Variants in SLCO1B1 observed in about 807,000 individuals in gnomAD.
The protein encoded by SLCO1B1 is solute carrier organic anion transporter family member 1B1.
Under a neutral mutation model 70.1 loss-of-function variants are expected in SLCO1B1, and 81 were observed. That is an observed-to-expected ratio of 1.16 (90% CI 0.97 to 1.39). SLCO1B1 has a LOEUF of 1.39. Ranked by LOEUF, SLCO1B1 falls within the 40% of genes most tolerant of loss-of-function variation. SLCO1B1 has a pLI of 0.00. For synonymous variants in SLCO1B1, 283 were observed against 271.5 expected (o/e 1.04, Z -0.42); for missense variants, 895 against 799.6 (o/e 1.12, Z -1.44).
chr12:21,230,656 T>C (rs913094775), intron 14 of SLCO1B1, among the ~76,000 whole-genome samples: 5 of 152,032 alleles, frequency 3.3e-5, no homozygotes, highest in African/African-American at 9.7e-5. Flanking sequence ...TCTTGTAATG[T>C]CTTTGTCTGA....
chr12:21,217,357 AATG>A, intron 12 of SLCO1B1, 54 bp downstream of exon 12: 1 of 1,297,626 alleles, frequency 7.7e-7, no homozygotes, highest in Non-Finnish European at 1.1e-6. Context: ...AAACACACCT[AATG>A]ATATGCATAT....
chr12:21,191,003 A>G (rs927168558), intron 7 of SLCO1B1, among the ~76,000 whole-genome samples: 3 of 151,696 alleles, frequency 2.0e-5, no homozygotes, highest in African/African-American at 7.3e-5. Flanking sequence ...ATTGGTCTAT[A>G]TTTCTGTCTT....
chr12:21,215,539 G>A (rs1941347866), intron 11 of SLCO1B1, among the ~76,000 whole-genome samples: 1 of 152,146 alleles, frequency 6.6e-6, no homozygotes, highest in Non-Finnish European at 1.5e-5. Flanking sequence ...ACTTGGTCAT[G>A]ATGAATTCAC....
chr12:21,190,225 C>CAA, intron 7 of SLCO1B1, among the ~76,000 whole-genome samples: 1 of 152,326 alleles, frequency 6.6e-6, no homozygotes, highest in East Asian at 1.9e-4. Context: ...CTTTGACCAT[C>CAA]CGTACACGTG....
At position 21,239,293 on chromosome 12, in the gene SLCO1B1, T is replaced by C; in HGVS notation, c.*104T>C. On this transcript the variant is annotated 3_prime_UTR_variant, in exon 15 of 15. Coordinates refer to ENST00000256958, the MANE Select transcript of SLCO1B1 (RefSeq NM_006446.5). ...GTTCCTGGTCCTTTCACTAAGAATT[T>C]CCACATCTTTTATGGTGGAAGTATA... is the stretch of plus-strand genomic sequence containing the variant. 2 of 837,500 alleles carry C rather than the reference T, an allele frequency of 2.4e-6. No homozygotes were observed. Among genetic ancestry groups the C allele is most frequent in the East Asian group, 2.5e-5 (1 of 40,668 alleles). The allele number at this position is 837,500 out of a possible 1,614,324, so 51.9% of individuals were successfully genotyped here.
chr12:21,221,095 A>T (rs1941418545), intron 12 of SLCO1B1, among the ~76,000 whole-genome samples: 1 of 152,128 alleles, frequency 6.6e-6, no homozygotes, highest in African/African-American at 2.4e-5. Context: ...CAGAAAAATT[A>T]TTTGATAAAA....
intron 2 of SLCO1B1, among the ~76,000 whole-genome samples, chr12:21,147,103 T>C (rs112475176): frequency 3.3e-5 from 5 of 152,254 alleles, no homozygotes; most frequent in African/African-American, 1.2e-4. Context: ...GCTCTGTTGT[T>C]TGGTGCCTCT....
At chr12:21,168,388 C>T (rs1466205806) in intron 2 of SLCO1B1, among the ~76,000 whole-genome samples, 3 of 152,110 alleles carry the variant, frequency 2.0e-5, no homozygotes, top group African/African-American at 7.2e-5. Flanking sequence ...CTGCTAGATC[C>T]TGTTTTGAAT....
intron 14 of SLCO1B1, among the ~76,000 whole-genome samples, chr12:21,227,438 CCAAA>C (rs1238293010): frequency 6.6e-6 from 1 of 152,032 alleles, no homozygotes; most frequent in Non-Finnish European, 1.5e-5. Context: ...ATCAAATTTA[CCAAA>C]CAGACTCTCT....
chr12:21,153,143 CTT>C, intron 2 of SLCO1B1, among the ~76,000 whole-genome samples: 1 of 152,302 alleles, frequency 6.6e-6, no homozygotes, highest in South Asian at 2.1e-4. Flanking sequence ...GTCCTCACCT[CTT>C]TTACAGATCC....
chr12:21,166,042 C>G (rs568089665), intron 2 of SLCO1B1, among the ~76,000 whole-genome samples: 1 of 151,116 alleles, frequency 6.6e-6, no homozygotes, highest in South Asian at 2.1e-4. Flanking sequence ...ACAAAACATA[C>G]GGAACTGTGG....
intron 1 of SLCO1B1, among the ~76,000 whole-genome samples, chr12:21,135,293 A>G (rs1940201881): frequency 6.6e-6 from 1 of 152,234 alleles, no homozygotes; most frequent in Non-Finnish European, 1.5e-5. Context: ...TGTGGTGCTG[A>G]AAAGAATGTA....
At chr12:21,151,649 A>G (rs1940472196) in intron 2 of SLCO1B1, among the ~76,000 whole-genome samples, 1 of 152,010 alleles carries the variant, frequency 6.6e-6, no homozygotes, top group Non-Finnish European at 1.5e-5. Flanking sequence ...ATATTATTTT[A>G]TCTTTCTGTA....
intron 7 of SLCO1B1, among the ~76,000 whole-genome samples, chr12:21,187,541 C>T (rs550911547): frequency 6.6e-6 from 1 of 152,058 alleles, no homozygotes; most frequent in South Asian, 2.1e-4. Context: ...TCATAAGAAA[C>T]TTTAAAGGAT....
intron 9 of SLCO1B1, among the ~76,000 whole-genome samples, 159 bp downstream of exon 9, chr12:21,200,831 C>T (rs1250690933): frequency 1.3e-5 from 2 of 151,942 alleles, no homozygotes; most frequent in African/African-American, 4.8e-5. Context: ...ACATATAAAA[C>T]TTGTGATGTC....
chr12:21,145,736 A>C (rs1025528384), intron 2 of SLCO1B1, among the ~76,000 whole-genome samples: 8 of 152,004 alleles, frequency 5.3e-5, no homozygotes, highest in Non-Finnish European at 1.0e-4. Context: ...GATTTTTGCA[A>C]TTTAAGTAGG....
intron 14 of SLCO1B1, among the ~76,000 whole-genome samples, chr12:21,235,234 G>A (rs1028532513): frequency 6.6e-6 from 1 of 151,558 alleles, no homozygotes; most frequent in African/African-American, 2.4e-5. Flanking sequence ...CTTCAGTATT[G>A]AGTGTGTATA....
chr12:21,168,160 C>T (rs1940712780), intron 2 of SLCO1B1, among the ~76,000 whole-genome samples: 1 of 152,066 alleles, frequency 6.6e-6, no homozygotes, highest in Non-Finnish European at 1.5e-5. Context: ...TACAGTATCT[C>T]TCCTTTCGTG....
Position 21,213,334 on chromosome 12 carries a change from G to C in SLCO1B1, c.1498-3785G>C, listed in dbSNP as rs898429958. On this transcript the variant is annotated intron_variant, in intron 11 of 14. Transcript: ENST00000256958. The stretch of plus-strand genomic sequence containing the variant: ...CTCCTTCGCTTATGAAGCTTAGTTT[G>C]GCTGGATATGAAATTCTGGGTTGAA... 8.8e-4 allele frequency among the ~76,000 whole-genome samples: 134 copies of C among 152,012 alleles called. 1 individual carries two copies. The highest frequency in any genetic ancestry group is 1.6e-3 in the Non-Finnish European group (112 of 67,966).
Sources: allele counts gnomAD v4.1 joint callset (sites outside exome capture counted in the v4.1 genomes callset), GRCh38; gene constraint gnomAD v4.1.1; transcripts MANE v1.5; gene names NCBI Gene and HGNC (gene_info 2026-07-23, HGNC 2026-07-21).